EEFSEC: variants seen among roughly 807,000 people sequenced by gnomAD.
The protein encoded by EEFSEC is selenocysteine-specific elongation factor.
EEFSEC carries 43 observed loss-of-function variants against 42.1 expected under a neutral mutation model. The ratio of observed to expected loss-of-function variants is 1.02; its 90% CI spans 0.80 to 1.32. The LOEUF (loss-of-function observed/expected upper bound fraction) is 1.32. Ranked by LOEUF, EEFSEC falls within the 40% of genes most tolerant of loss-of-function variation. The probability of loss-of-function intolerance (pLI) is 0.00; values close to 1 mark genes in which losing one functional copy is unlikely to be tolerated. For missense variants in EEFSEC, 745 were observed against 803.6 expected, an observed-to-expected ratio of 0.93 and a Z score of 0.88; for synonymous variants, 354 against 339.1, an observed-to-expected ratio of 1.04 and a Z score of -0.48.
chr3:128,177,810 C>T lies in EEFSEC; in HGVS notation c.316+23987C>T, dbSNP rs1003016286. ...CAAATTTGTCTTGAAGGAGCAGGCT[C>T]AAGTTTGCTTTTATAAATAGGAAAA... On this transcript the variant is annotated intron_variant, in intron 1 of 6. Transcript: ENST00000254730. Among the ~76,000 whole-genome samples, 3 of 152,110 alleles carry T rather than the reference C, an allele frequency of 2.0e-5. No individual in the cohort carries two copies. In the East Asian group the frequency reaches 5.8e-4, roughly 29 times the overall value.
intron 4 of EEFSEC, among the ~76,000 whole-genome samples, chr3:128,327,676 G>T (rs1479049830): frequency 2.0e-5 from 3 of 152,338 alleles, no homozygotes; most frequent in South Asian, 2.1e-4. Flanking sequence ...CAGGGAGTGT[G>T]CTGGGAGACC....
rs147857018 is a variant in EEFSEC at position 128,293,461 on chromosome 3, A to G, written c.786+28680A>G. Among the ~76,000 whole-genome samples, 402 of 135,334 alleles carry G rather than the reference A, an allele frequency of 3.0e-3. 1 individual carries two copies. Among genetic ancestry groups the G allele is most frequent in the African/African-American group, 0.01 (369 of 36,894 alleles). The allele number at this position is 135,334 out of a possible 152,430, so 88.8% of individuals were successfully genotyped here. On this transcript the variant is annotated intron_variant, in intron 4 of 6. Coordinates refer to ENST00000254730, the MANE Select transcript of EEFSEC (RefSeq NM_021937.5). ...TAGATCACAAGTTCAGGAGATCGAG[A>G]CCATCCTCGCTAACACAGTGAAACC...
At chr3:128,364,556 G>C (rs1266562490) in intron 6 of EEFSEC, among the ~76,000 whole-genome samples, 1 of 152,222 alleles carries the variant, frequency 6.6e-6, no homozygotes, top group Non-Finnish European at 1.5e-5. Flanking sequence ...TGGGGAGTCG[G>C]GAACCTGGCC....
intron 4 of EEFSEC, among the ~76,000 whole-genome samples, chr3:128,331,310 C>A: frequency 2.3e-5 from 1 of 42,798 alleles, no homozygotes; most frequent in Non-Finnish European, 4.9e-5. Context: ...CCCTTCTTCC[C>A]CCCTTCCTCA....
intron 1 of EEFSEC, among the ~76,000 whole-genome samples, chr3:128,163,667 T>C (rs2065213809): frequency 6.6e-6 from 1 of 151,950 alleles, no homozygotes; most frequent in Admixed American, 6.5e-5. Flanking sequence ...CGTCACCCCA[T>C]AAAGAAACCA....
rs182477046 is a variant in EEFSEC, at chr3:128,199,858, C to G, written c.316+46035C>G. 2.6e-5 allele frequency among the ~76,000 whole-genome samples: 4 copies of G among 152,098 alleles called. No individual in the cohort carries two copies. The South Asian group carries it at 6.2e-4, about 24-fold the overall frequency. ...AAGTGATTCTCCTGCCTCAGCCTCCCGAGTAGCTGGGATTACAGGCGCACG... is the reference window on the plus strand; with the variant it reads ...AAGTGATTCTCCTGCCTCAGCCTCCGGAGTAGCTGGGATTACAGGCGCACG... On this transcript the variant is annotated intron_variant, in intron 1 of 6. Transcript: ENST00000254730.
At chr3:128,349,588 C>T (rs541774499) in intron 5 of EEFSEC, among the ~76,000 whole-genome samples, 1 of 152,168 alleles carries the variant, frequency 6.6e-6, no homozygotes, top group Non-Finnish European at 1.5e-5. Context: ...TGTTACCACG[C>T]CCCAGGATGC....
intron 4 of EEFSEC, among the ~76,000 whole-genome samples, chr3:128,334,986 G>A (rs1402801477): frequency 6.6e-6 from 1 of 152,192 alleles, no homozygotes; most frequent in Non-Finnish European, 1.5e-5. Context: ...CTCCCATTTG[G>A]TAGACTCTTT....
chr3:128,222,229 C>T (rs55775237), intron 1 of EEFSEC, among the ~76,000 whole-genome samples: 20,282 of 152,020 alleles, frequency 0.13, 1,557 homozygotes, highest in Admixed American at 0.2. Context: ...GATGGGGTTT[C>T]GCCATGTTGG....
At chr3:128,193,679 A>G (rs1335615023) in intron 1 of EEFSEC, among the ~76,000 whole-genome samples, 5 of 152,176 alleles carry the variant, frequency 3.3e-5, no homozygotes, top group Admixed American at 2.6e-4. Context: ...GGACCACATC[A>G]TCAGTTCCCA....
chr3:128,337,600 T>C lies in EEFSEC; in HGVS notation c.787-3633T>C, dbSNP rs1019410976. Reference sequence around the variant, plus strand: ...ATTTTGCCACAAGGGGCATTTCTTTTCCAGAATCTGATGCAGTCACTCTCT... The same window carrying C: ...ATTTTGCCACAAGGGGCATTTCTTTCCCAGAATCTGATGCAGTCACTCTCT... On this transcript the variant is annotated intron_variant, in intron 4 of 6. Transcript: ENST00000254730. Among the ~76,000 whole-genome samples the C allele has an allele frequency of 2.0e-5, 3 of 152,318 alleles. No homozygotes were observed. In the East Asian group the frequency reaches 5.8e-4, roughly 29 times the overall value.
At chr3:128,316,359 T>C (rs1320304657) in intron 4 of EEFSEC, among the ~76,000 whole-genome samples, 3 of 152,204 alleles carry the variant, frequency 2.0e-5, no homozygotes, top group African/African-American at 7.2e-5. Flanking sequence ...GCTTCTGTCA[T>C]AGGCATTGTT....
the EEFSEC span, among the ~76,000 whole-genome samples, chr3:128,420,919 A>G: frequency 6.6e-6 from 1 of 151,956 alleles, no homozygotes; most frequent in Non-Finnish European, 1.5e-5. Flanking sequence ...CGGCCCTTGC[A>G]CCTGTCCGGG....
intron 4 of EEFSEC, among the ~76,000 whole-genome samples, chr3:128,314,437 A>T (rs1391968971): frequency 6.6e-6 from 1 of 152,130 alleles, no homozygotes; most frequent in African/African-American, 2.4e-5. Context: ...TCCGCCTCCC[A>T]GGTTCAAGCT....
intron 6 of EEFSEC, among the ~76,000 whole-genome samples, chr3:128,406,379 G>A (rs1307000652): frequency 6.6e-6 from 1 of 152,150 alleles, no homozygotes; most frequent in Non-Finnish European, 1.5e-5. Flanking sequence ...GGTGGGAATG[G>A]GGAGATCTTG....
At chr3:128,380,423 A>G (rs577940497) in intron 6 of EEFSEC, among the ~76,000 whole-genome samples, 22 of 152,284 alleles carry the variant, frequency 1.4e-4, no homozygotes, top group Non-Finnish European at 3.1e-4. Context: ...ACATCCTTCA[A>G]TCTCTCTTCA....
intron 1 of EEFSEC, among the ~76,000 whole-genome samples, chr3:128,197,595 C>G (rs1245021750): frequency 6.6e-6 from 1 of 152,128 alleles, no homozygotes; most frequent in East Asian, 1.9e-4. Context: ...TTTTACATCT[C>G]TGATCCAATT....
chr3:128,265,013 G>A (rs2066339048), intron 4 of EEFSEC, among the ~76,000 whole-genome samples: 1 of 152,138 alleles, frequency 6.6e-6, no homozygotes, highest in South Asian at 2.1e-4. Context: ...TTTATTGGAG[G>A]CCTATGATGT....
chr3:128,419,537 A>C, the EEFSEC span, among the ~76,000 whole-genome samples: 1 of 152,152 alleles, frequency 6.6e-6, no homozygotes, highest in Non-Finnish European at 1.5e-5. Context: ...CAAACTGACC[A>C]CCAGGAGCTG....
Sources: allele counts gnomAD v4.1 joint callset (sites outside exome capture counted in the v4.1 genomes callset), GRCh38; gene constraint gnomAD v4.1.1; transcripts MANE v1.5; gene names NCBI Gene and HGNC (gene_info 2026-07-23, HGNC 2026-07-21).